Variants in ARHGAP42 observed in about 807,000 individuals in gnomAD.
ARHGAP42 encodes rho GTPase-activating protein 42.
In ARHGAP42, 63 loss-of-function variants were observed where a neutral mutation model predicts 125.0. The observed-to-expected ratio is 0.50, with a 90% CI of 0.41 to 0.62. The LOEUF (loss-of-function observed/expected upper bound fraction) is 0.62. ARHGAP42 is among the 20% of genes least tolerant of loss of function. ARHGAP42 has a pLI of 0.00. For synonymous variants in ARHGAP42, 339 were observed against 351.0 expected (o/e 0.97, Z 0.38); for missense variants, 766 against 1,024.2 (o/e 0.75, Z 3.44).
At chr11:100,719,245 A>T (rs144821661) in intron 1 of ARHGAP42, among the ~76,000 whole-genome samples, 2 of 152,368 alleles carry the variant, frequency 1.3e-5, no homozygotes, top group East Asian at 3.8e-4. Flanking sequence ...AATATTGGCC[A>T]GTCAAATAAT....
intron 3 of ARHGAP42, among the ~76,000 whole-genome samples, chr11:100,813,170 T>TGTAAGA (rs1352203105): frequency 5.0e-4 from 76 of 152,058 alleles, no homozygotes; most frequent in Admixed American, 4.1e-3. Context: ...TGGTAGGATT[T>TGTAAGA]CTCCACCTCA....
intron 1 of ARHGAP42, among the ~76,000 whole-genome samples, chr11:100,688,202 T>G (rs1337031235): frequency 6.6e-6 from 1 of 152,172 alleles, no homozygotes; most frequent in African/African-American, 2.4e-5. Flanking sequence ...AATCAAGAGT[T>G]TGTCTTAAAG....
At chr11:100,935,673 C>CAGAGAGAGAGAG (rs202012921) in intron 7 of ARHGAP42, among the ~76,000 whole-genome samples, 2 of 122,048 alleles carry the variant, frequency 1.6e-5, no homozygotes, top group Non-Finnish European at 3.4e-5. Flanking sequence ...CACACACACA[C>CAGAGAGAGAGAG]ACACAGAGAG....
At chr11:100,718,677 A>T (rs1402979489) in intron 1 of ARHGAP42, among the ~76,000 whole-genome samples, 1 of 152,234 alleles carries the variant, frequency 6.6e-6, no homozygotes, top group African/African-American at 2.4e-5. Context: ...ATCATCTACC[A>T]TGTGGTGCAT....
chr11:100,958,075 T>C (rs1314734794), intron 12 of ARHGAP42, among the ~76,000 whole-genome samples: 3 of 151,304 alleles, frequency 2.0e-5, no homozygotes, highest in African/African-American at 7.3e-5. Flanking sequence ...TTAGTTGATA[T>C]AAAAATGCTA....
chr11:100,770,364 A>G lies in ARHGAP42; in HGVS notation c.176A>G (p.Lys59Arg). 6.5e-7 allele frequency: 1 copy of G among 1,550,000 alleles called. No individual in the cohort carries two copies. The highest frequency in any genetic ancestry group is 8.7e-7 in the Non-Finnish European group (1 of 1,146,596). The change falls in exon 2 of 24, where the codon AAA (lysine) becomes AGA (arginine). Residue 59 changes from lysine (K) to arginine (R), a missense_variant. By Grantham distance (26) the Lys-to-Arg change is conservative (BLOSUM62 2). Transcript: ENST00000298815. ...ALRNLSMAVQ[K>R]FSQSLQDFQF... ...GCAGATCTGTCTATGGCAGTGCAGA[A>G]ATTTTCCCAGTCATTGCAAGATTTC...
chr11:100,925,119 A>C (rs1867384820), intron 6 of ARHGAP42, among the ~76,000 whole-genome samples: 1 of 152,024 alleles, frequency 6.6e-6, no homozygotes. Context: ...GGCGTGAGCC[A>C]CCACACCTGG....
intron 3 of ARHGAP42, among the ~76,000 whole-genome samples, chr11:100,850,794 A>G (rs556001917): frequency 3.3e-4 from 50 of 151,792 alleles, no homozygotes; most frequent in Non-Finnish European, 4.3e-4. Flanking sequence ...GAGTTTCCCT[A>G]ACAACATTGG....
chr11:100,888,013 G>T (rs1211892198), intron 4 of ARHGAP42, among the ~76,000 whole-genome samples: 1 of 152,176 alleles, frequency 6.6e-6, no homozygotes, highest in Non-Finnish European at 1.5e-5. Flanking sequence ...TTCTAAGAAT[G>T]CTCTTTGTTA....
chr11:100,839,771 G>A (rs779894267), intron 3 of ARHGAP42: 14 of 152,134 alleles, frequency 9.2e-5, no homozygotes, highest in Admixed American at 7.9e-4. Flanking sequence ...ATTCTCAGTC[G>A]AAGAGGACGA....
intron 1 of ARHGAP42, among the ~76,000 whole-genome samples, chr11:100,738,787 G>A (rs570973165): frequency 1.2e-4 from 18 of 152,254 alleles, no homozygotes; most frequent in South Asian, 1.0e-3. Context: ...TTATTATTAC[G>A]TTTCAAGTTT....
intron 4 of ARHGAP42, among the ~76,000 whole-genome samples, chr11:100,886,889 C>T (rs897196033): frequency 3.3e-5 from 5 of 152,100 alleles, no homozygotes; most frequent in Non-Finnish European, 7.4e-5. Context: ...AGGTCTCTTT[C>T]TGTGCTTCAC....
In ARHGAP42 at chr11:100,941,903, C is replaced by T. The variant is rs1867896593; in HGVS notation, c.933+19C>T. ...GAAAATGGTGAGTTAGTTTTGTTTT[C>T]TGTTTGTTTTTTAAACTGTTCATTA... On this transcript the variant is annotated intron_variant, in intron 9 of 23. Transcript: ENST00000298815. The T allele has an allele frequency of 6.1e-6, 9 of 1,480,450 alleles. No homozygotes were observed. Among genetic ancestry groups the T allele is most frequent in the Non-Finnish European group, 8.2e-6 (9 of 1,098,920 alleles). 91.7% of individuals were successfully genotyped at this position (1,480,450 alleles called of 1,614,324 possible). A position where few individuals can be genotyped will look rare whatever the true frequency, so the allele number is the denominator to read the frequency against.
chr11:100,852,158 C>T (rs1285214004), intron 3 of ARHGAP42, among the ~76,000 whole-genome samples: 2 of 152,128 alleles, frequency 1.3e-5, no homozygotes, highest in African/African-American at 4.8e-5. Flanking sequence ...TCTTTATTCC[C>T]ATTCTCCCCC....
chr11:100,942,315 A>G (rs1053802957), intron 9 of ARHGAP42, among the ~76,000 whole-genome samples: 5 of 152,126 alleles, frequency 3.3e-5, no homozygotes, highest in African/African-American at 1.2e-4. Context: ...TGCACTGCAT[A>G]CTGTTAACCA....
At chr11:100,837,812 T>G in intron 3 of ARHGAP42, among the ~76,000 whole-genome samples, 1 of 150,464 alleles carries the variant, frequency 6.6e-6, no homozygotes, top group Non-Finnish European at 1.5e-5. Flanking sequence ...GGGTCAGCAG[T>G]CAGTTAAGTT....
intron 4 of ARHGAP42, among the ~76,000 whole-genome samples, chr11:100,895,021 G>A (rs1362338765): frequency 6.6e-6 from 1 of 152,152 alleles, no homozygotes; most frequent in East Asian, 1.9e-4. Context: ...ATAACTGTTT[G>A]TGCTTTAAGT....
At chr11:100,963,778 G>C (rs1031004025) in intron 16 of ARHGAP42, among the ~76,000 whole-genome samples, 3 of 152,204 alleles carry the variant, frequency 2.0e-5, no homozygotes, top group Non-Finnish European at 4.4e-5. Context: ...CAAGTAACAT[G>C]TACAATGACC....
chr11:100,977,482 CA>C (rs1433291054), intron 21 of ARHGAP42, among the ~76,000 whole-genome samples: 2 of 152,048 alleles, frequency 1.3e-5, no homozygotes, highest in Admixed American at 6.6e-5. Flanking sequence ...TACTTCTCAT[CA>C]AAGGAAATGA....
Sources: gnomAD v4.1 joint callset for allele counts (sites outside exome capture counted in the v4.1 genomes callset) on GRCh38, gnomAD v4.1.1 for gene constraint, MANE v1.5 for transcripts, NCBI Gene and HGNC (gene_info 2026-07-23, HGNC 2026-07-21) for gene names.